The following DTNB variants were observed in gnomAD, a reference collection of about 807,000 sequenced individuals.
DTNB encodes the protein dystrobrevin beta, also known as DTN-B.
Under a neutral mutation model 90.7 loss-of-function variants are expected in DTNB, and 63 were observed. The observed-to-expected ratio is 0.69, with a 90% CI of 0.57 to 0.86. The LOEUF is 0.86. DTNB is among the 40% of genes least tolerant of loss of function. The pLI, the probability that DTNB is intolerant of heterozygous loss-of-function variation, is 0.00. For missense variants in DTNB, 744 were observed against 807.1 expected, an observed-to-expected ratio of 0.92 and a Z score of 0.95; for synonymous variants, 277 against 286.7, an observed-to-expected ratio of 0.97 and a Z score of 0.34.
intron 1 of DTNB, among the ~76,000 whole-genome samples, chr2:25,667,939 C>G (rs375978134): frequency 1.3e-5 from 2 of 152,108 alleles, no homozygotes; most frequent in African/African-American, 4.8e-5. Context: ...TATCATTCGG[C>G]GCTAAAAAGA....
intron 4 of DTNB, among the ~76,000 whole-genome samples, chr2:25,620,302 C>T (rs1414330658): frequency 6.6e-6 from 1 of 152,118 alleles, no homozygotes; most frequent in Non-Finnish European, 1.5e-5. Flanking sequence ...TTCAAAACCA[C>T]AGGGATTCTC....
chr2:25,406,249 G>A (rs2045136329), intron 16 of DTNB, among the ~76,000 whole-genome samples: 1 of 152,060 alleles, frequency 6.6e-6, no homozygotes, highest in Admixed American at 6.6e-5. Flanking sequence ...TAACAAGGGG[G>A]CAATTTTACC....
At chr2:25,643,842 G>A (rs947886853) in intron 2 of DTNB, among the ~76,000 whole-genome samples, 1 of 152,148 alleles carries the variant, frequency 6.6e-6, no homozygotes, top group Non-Finnish European at 1.5e-5. Flanking sequence ...TTCCTAGACA[G>A]TTAAGGCATT....
intron 9 of DTNB, among the ~76,000 whole-genome samples, chr2:25,516,431 T>A (rs1394659082): frequency 1.3e-5 from 2 of 152,076 alleles, no homozygotes; most frequent in East Asian, 2.0e-4. Flanking sequence ...GTATCTTTTT[T>A]AAGTAGAGAC....
chr2:25,658,320 T>C (rs2082479890), intron 1 of DTNB, among the ~76,000 whole-genome samples: 1 of 151,822 alleles, frequency 6.6e-6, no homozygotes, highest in South Asian at 2.1e-4. Context: ...ACTCTCATCA[T>C]TGCTGATGGG....
chr2:25,392,065 G>C (rs1002364506), intron 16 of DTNB, among the ~76,000 whole-genome samples: 3 of 152,074 alleles, frequency 2.0e-5, no homozygotes, highest in Non-Finnish European at 4.4e-5. Flanking sequence ...ACGAAGATCA[G>C]AGCAGAACTA....
chr2:25,581,893 A>G (rs2061602075), intron 6 of DTNB, among the ~76,000 whole-genome samples: 1 of 152,214 alleles, frequency 6.6e-6, no homozygotes, highest in African/African-American at 2.4e-5. Flanking sequence ...CAGGAGGTGC[A>G]TGGCCGTCGG....
chr2:25,482,242 G>A (rs1199109423), intron 10 of DTNB, among the ~76,000 whole-genome samples: 2 of 152,144 alleles, frequency 1.3e-5, no homozygotes, highest in Admixed American at 1.3e-4. Context: ...TAAATAAAGA[G>A]GAGAAAGAAG....
intron 12 of DTNB, among the ~76,000 whole-genome samples, chr2:25,442,916 G>T (rs926296480): frequency 1.3e-5 from 2 of 152,152 alleles, no homozygotes; most frequent in African/African-American, 2.4e-5. Flanking sequence ...CCAGCACAGG[G>T]TTATAAATAC....
In DTNB at chr2:25,670,954, C is replaced by T. The variant is rs559758767; in HGVS notation, c.-2+2432G>A. On this transcript the variant is annotated intron_variant, in intron 1 of 20. Transcript: ENST00000406818. ...CTCCAGCATATCCACACTGCATAAGCCACCTTCTGGTTACTCACTTAGTAG... is the reference window on the plus strand; with the variant it reads ...CTCCAGCATATCCACACTGCATAAGTCACCTTCTGGTTACTCACTTAGTAG... Among the ~76,000 whole-genome samples the T allele has an allele frequency of 2.0e-5, 3 of 152,298 alleles. No homozygotes were observed. In the South Asian group the frequency reaches 6.2e-4, roughly 32 times the overall value.
In DTNB at chr2:25,501,565, CAG is replaced by C. The variant is rs201354570; in HGVS notation, c.1002-18694_1002-18693del. On this transcript the variant is annotated intron_variant, in intron 9 of 20. Coordinates refer to ENST00000406818, the MANE Select transcript of DTNB (RefSeq NM_021907.5). ...CAGCTAATTTTTGTTGGGTTTCAGA[CAG>C]AGTTTCACCATGTTGGCCAGGCTGC... Among the ~76,000 whole-genome samples the C allele has an allele frequency of 8.0e-3, 1,216 of 152,180 alleles. 14 individuals carry two copies. The highest frequency in any genetic ancestry group is 0.028 in the African/African-American group (1,158 of 41,528).
At chr2:25,460,587 G>T (rs956133314) in intron 10 of DTNB, among the ~76,000 whole-genome samples, 1 of 152,162 alleles carries the variant, frequency 6.6e-6, no homozygotes, top group East Asian at 1.9e-4. Flanking sequence ...CATGATATCC[G>T]GAGGCCACGT....
chr2:25,670,305 A>G (rs1229019771), intron 1 of DTNB, among the ~76,000 whole-genome samples: 1 of 152,228 alleles, frequency 6.6e-6, no homozygotes, highest in African/African-American at 2.4e-5. Flanking sequence ...AATAGCCTGG[A>G]AAGACCACAA....
At chr2:25,660,442 G>A (rs2082929830) in intron 1 of DTNB, among the ~76,000 whole-genome samples, 1 of 152,102 alleles carries the variant, frequency 6.6e-6, no homozygotes, top group African/African-American at 2.4e-5. Flanking sequence ...ACGGGGGAAG[G>A]TGAATAGGGA....
intron 4 of DTNB, among the ~76,000 whole-genome samples, chr2:25,610,150 G>A (rs781567123): frequency 5.9e-5 from 9 of 151,892 alleles, no homozygotes; most frequent in Non-Finnish European, 1.0e-4. Context: ...TCCCTCTGTC[G>A]CCCAGGCTGA....
chr2:25,435,144 C>T (rs1156745774), intron 12 of DTNB, among the ~76,000 whole-genome samples: 3 of 152,174 alleles, frequency 2.0e-5, no homozygotes, highest in Non-Finnish European at 4.4e-5. Context: ...CTCAGCCTCC[C>T]GGGTAGCTGG....
intron 16 of DTNB, among the ~76,000 whole-genome samples, chr2:25,394,629 G>A (rs902367274): frequency 2.0e-5 from 3 of 152,044 alleles, no homozygotes; most frequent in African/African-American, 7.3e-5. Flanking sequence ...CAAGTATATG[G>A]AAAAATGCTC....
Position 25,531,573 on chromosome 2 carries a change from G to A in DTNB, c.901C>T (p.His301Tyr). 2 of 1,613,804 alleles carry A rather than the reference G, an allele frequency of 1.2e-6. No homozygotes were observed. The highest frequency in any genetic ancestry group is 1.1e-5 in the South Asian group (1 of 91,026). Residue 301 changes from histidine to tyrosine, a missense_variant, in exon 9 of 21, where the codon CAT (histidine) becomes TAT (tyrosine). Physicochemically the swap from His to Tyr is moderately conservative, Grantham distance 83 (BLOSUM62 2). Transcript: ENST00000406818. The part of the protein sequence containing the change: ...SWKSPAKKLS[H>Y]AISKSLGCVP... Reference sequence around the variant, plus strand: ...CACCCCAAAGATTTACTAATTGCATGGCTCAGCTTCTTTGCAGGAGATTTC... The same window carrying A: ...CACCCCAAAGATTTACTAATTGCATAGCTCAGCTTCTTTGCAGGAGATTTC...
rs958325237 is a variant in DTNB at position 25,388,292 on chromosome 2, G to A, written c.1645C>T (p.Arg549Cys). 12 of 1,613,146 alleles carry A rather than the reference G, an allele frequency of 7.4e-6. No homozygotes were observed. Among genetic ancestry groups the A allele is most frequent in the Middle Eastern group, 1.6e-4 (1 of 6,082 alleles). Residue 549 changes from arginine (R) to cysteine (C), a missense_variant, in exon 17 of 21, where the codon CGC (arginine) becomes TGC (cysteine). Coordinates refer to ENST00000406818, the MANE Select transcript of DTNB (RefSeq NM_021907.5). ...GGGGTGGAGCCGGCAGACGTGGAGC[G>A]CACTGGCATGGGCATTGGCCGGCCG... ...GGGRPMPMPV[R>C]STSAGSTPTH...
Sources: gnomAD v4.1 joint callset for allele counts (sites outside exome capture counted in the v4.1 genomes callset) on GRCh38, gnomAD v4.1.1 for gene constraint, MANE v1.5 for transcripts, NCBI Gene and HGNC (gene_info 2026-07-23, HGNC 2026-07-21) for gene names.